FHIT: variants seen among roughly 807,000 people sequenced by gnomAD.
FHIT encodes bis(5'-adenosyl)-triphosphatase.
FHIT carries 19 observed loss-of-function variants against 17.9 expected under a neutral mutation model. That is an observed-to-expected ratio of 1.06 (90% confidence interval 0.74 to 1.56). The LOEUF (loss-of-function observed/expected upper bound fraction) is 1.56, where lower values mean the gene tolerates loss of function less well. Among genes scored for constraint, FHIT ranks in the 40% most tolerant of loss-of-function variants. The probability of loss-of-function intolerance (pLI) is 0.00; values close to 1 mark genes in which losing one functional copy is unlikely to be tolerated. For synonymous variants in FHIT, 81 were observed against 69.7 expected, an observed-to-expected ratio of 1.16 and a Z score of -0.81; for missense variants, 248 against 189.2, an observed-to-expected ratio of 1.31 and a Z score of -1.82.
At chr3:60,772,194 C>T (rs979434841) in intron 4 of FHIT, among the ~76,000 whole-genome samples, 1 of 151,864 alleles carries the variant, frequency 6.6e-6, no homozygotes, top group Admixed American at 6.6e-5. Context: ...AATGGTTTTG[C>T]CCCCATGATG....
chr3:60,895,212 T>C (rs190730306), intron 3 of FHIT, among the ~76,000 whole-genome samples: 48 of 152,308 alleles, frequency 3.2e-4, no homozygotes, highest in Non-Finnish European at 4.6e-4. Context: ...CTGACTGTTA[T>C]ATGAGGATTA....
chr3:60,663,902 A>G (rs2040321312), intron 4 of FHIT, among the ~76,000 whole-genome samples: 1 of 152,150 alleles, frequency 6.6e-6, no homozygotes, highest in Non-Finnish European at 1.5e-5. Context: ...TTGTTGTTGT[A>G]GATTTCTAGG....
Position 60,115,636 on chromosome 3 carries a change from T to G in FHIT, c.104-101484A>C, listed in dbSNP as rs570499302. ...CACACAAAGATTAGTTGTAAAACAT[T>G]TGTCACAGTTTTATGTATAACCATA... On this transcript the variant is annotated intron_variant, in intron 5 of 9. Transcript: ENST00000492590. Among the ~76,000 whole-genome samples, 43 of 152,238 alleles carry G rather than the reference T, an allele frequency of 2.8e-4. 1 individual carries two copies. The highest frequency in any genetic ancestry group is 2.3e-3 in the East Asian group (12 of 5,186).
chr3:59,842,060 C>T (rs900683204), intron 8 of FHIT, among the ~76,000 whole-genome samples: 2 of 152,068 alleles, frequency 1.3e-5, no homozygotes, highest in African/African-American at 4.8e-5. Flanking sequence ...ATAACAACTC[C>T]CCATTCTCCC....
At chr3:59,857,598 C>T (rs1255821560) in intron 8 of FHIT, among the ~76,000 whole-genome samples, 6 of 151,864 alleles carry the variant, frequency 4.0e-5, no homozygotes, top group Non-Finnish European at 5.9e-5. Context: ...GACAGGGAGG[C>T]CTAACAAAGA....
At chr3:60,354,888 G>A (rs1699578229) in intron 5 of FHIT, among the ~76,000 whole-genome samples, 1 of 152,102 alleles carries the variant, frequency 6.6e-6, no homozygotes, top group Non-Finnish European at 1.5e-5. Flanking sequence ...GGCTAAGCCA[G>A]GGCAGTTAGT....
chr3:60,670,363 C>A (rs1463247699), intron 4 of FHIT, among the ~76,000 whole-genome samples: 1 of 152,180 alleles, frequency 6.6e-6, no homozygotes, highest in East Asian at 1.9e-4. Context: ...TTTCCTCAAA[C>A]CTAAAAACCT....
intron 2 of FHIT, among the ~76,000 whole-genome samples, chr3:61,126,448 G>A (rs1311475716): frequency 1.3e-5 from 2 of 152,118 alleles, no homozygotes; most frequent in Non-Finnish European, 2.9e-5. Context: ...GGCGGAAGGG[G>A]AAGAGGCACA....
At chr3:60,261,754 G>A (rs1372944308) in intron 5 of FHIT, among the ~76,000 whole-genome samples, 1 of 151,262 alleles carries the variant, frequency 6.6e-6, no homozygotes, top group African/African-American at 2.4e-5. Flanking sequence ...AAGGTCTCTT[G>A]GACCTTCTTC....
intron 3 of FHIT, among the ~76,000 whole-genome samples, chr3:60,880,070 G>A (rs1359573593): frequency 1.3e-5 from 2 of 152,120 alleles, no homozygotes; most frequent in African/African-American, 2.4e-5. Flanking sequence ...AAGCCCTGAT[G>A]CACATTATAG....
At chr3:60,489,584 G>A (rs1362178587) in intron 5 of FHIT, among the ~76,000 whole-genome samples, 1 of 152,106 alleles carries the variant, frequency 6.6e-6, no homozygotes, top group Non-Finnish European at 1.5e-5. Context: ...ACTCACACCT[G>A]CTTACACCAT....
intron 5 of FHIT, among the ~76,000 whole-genome samples, chr3:60,296,921 CAAAAA>C (rs34680230): frequency 1.7e-5 from 2 of 115,266 alleles, no homozygotes. Context: ...TTTATTTTTG[CAAAAA>C]AAAAAAAAAA....
chr3:60,553,352 T>C (rs1489315850), intron 4 of FHIT: 3 of 965,602 alleles, frequency 3.1e-6, no homozygotes, highest in African/African-American at 1.8e-5. Context: ...TGAGGACTTG[T>C]GTTTTTACGT....
chr3:59,802,310 C>T (rs369826943), intron 8 of FHIT, among the ~76,000 whole-genome samples: 5 of 152,094 alleles, frequency 3.3e-5, no homozygotes, highest in Non-Finnish European at 1.5e-5. Flanking sequence ...CCTTTTAATA[C>T]TCCTTCTTAT....
intron 5 of FHIT, among the ~76,000 whole-genome samples, chr3:60,439,533 C>T (rs953275247): frequency 6.6e-6 from 1 of 152,088 alleles, no homozygotes; most frequent in African/African-American, 2.4e-5. Context: ...CGAAGGATTA[C>T]AGGTGATCAG....
intron 8 of FHIT, among the ~76,000 whole-genome samples, chr3:59,796,130 T>A (rs183428033): frequency 7.8e-4 from 119 of 152,312 alleles, no homozygotes; most frequent in Non-Finnish European, 1.3e-3. Context: ...AAGACAAAAC[T>A]GTGTCTACTG....
intron 5 of FHIT, among the ~76,000 whole-genome samples, chr3:60,235,724 T>C (rs1380880402): frequency 6.6e-6 from 1 of 152,060 alleles, no homozygotes; most frequent in Non-Finnish European, 1.5e-5. Context: ...TTGAAAAACA[T>C]CACAACAGAA....
At chr3:61,026,512 C>A (rs2032741179) in intron 3 of FHIT, among the ~76,000 whole-genome samples, 1 of 152,176 alleles carries the variant, frequency 6.6e-6, no homozygotes, top group African/African-American at 2.4e-5. Flanking sequence ...CTTACCTGAT[C>A]ATAGAAATCT....
At chr3:60,118,461 G>A (rs1000531211) in intron 5 of FHIT, among the ~76,000 whole-genome samples, 2 of 151,576 alleles carry the variant, frequency 1.3e-5, no homozygotes, top group African/African-American at 4.9e-5. Flanking sequence ...GTAGCGTTTT[G>A]GTAATCTCTT....
Sources: allele counts gnomAD v4.1 joint callset (sites outside exome capture counted in the v4.1 genomes callset), GRCh38; gene constraint gnomAD v4.1.1; transcripts MANE v1.5; gene names NCBI Gene and HGNC (gene_info 2026-07-23, HGNC 2026-07-21).